Variants in ELOVL6 observed in about 807,000 individuals in gnomAD.
ELOVL6 encodes very long chain fatty acid elongase 6.
ELOVL6 carries 8 observed loss-of-function variants against 31.7 expected under a neutral mutation model. The observed-to-expected ratio is 0.25, with a 90% CI of 0.15 to 0.45. ELOVL6 has a LOEUF of 0.45. ELOVL6 is among the 20% of genes least tolerant of loss of function. The probability of loss-of-function intolerance (pLI) is 1.00; values close to 1 mark genes in which losing one functional copy is unlikely to be tolerated. For synonymous variants in ELOVL6, 101 were observed against 117.7 expected (o/e 0.86, Z 0.92); for missense variants, 126 against 326.4 (o/e 0.39, Z 4.73).
At chr4:110,123,872 T>G (rs1757420357) in intron 1 of ELOVL6, among the ~76,000 whole-genome samples, 1 of 152,236 alleles carries the variant, frequency 6.6e-6, no homozygotes, top group Non-Finnish European at 1.5e-5. Flanking sequence ...CAGCTAAGTT[T>G]GCATAGTCAT....
At chr4:110,123,545 G>A (rs1757411256) in intron 1 of ELOVL6, among the ~76,000 whole-genome samples, 1 of 152,080 alleles carries the variant, frequency 6.6e-6, no homozygotes, top group African/African-American at 2.4e-5. Flanking sequence ...AAATATTATG[G>A]AAAGAAAAAA....
At chr4:110,142,333 C>A (rs1343129396) in intron 1 of ELOVL6, among the ~76,000 whole-genome samples, 10 of 152,070 alleles carry the variant, frequency 6.6e-5, no homozygotes, top group Non-Finnish European at 1.5e-4. Context: ...GCATAAGCCA[C>A]CGCACCCGGC....
chr4:110,067,436 TGA>T, intron 2 of ELOVL6, among the ~76,000 whole-genome samples: 1 of 152,334 alleles, frequency 6.6e-6, no homozygotes, highest in South Asian at 2.1e-4. Context: ...AAAAACTGCC[TGA>T]GACTGGGTAA....
At chr4:110,089,679 A>G (rs552906852) in intron 2 of ELOVL6, among the ~76,000 whole-genome samples, 8 of 151,436 alleles carry the variant, frequency 5.3e-5, no homozygotes, top group African/African-American at 1.9e-4. Flanking sequence ...TCTATGAAAT[A>G]TATGAGATCC....
At chr4:110,084,563 GATATATAT>G (rs1553956219) in intron 2 of ELOVL6, among the ~76,000 whole-genome samples, 803 of 44,534 alleles carry the variant, frequency 0.018, 18 homozygotes, top group East Asian at 0.029. Context: ...CACACACACA[GATATATAT>G]ATATATATAT....
At chr4:110,139,316 C>G (rs1757890279) in intron 1 of ELOVL6, among the ~76,000 whole-genome samples, 1 of 152,114 alleles carries the variant, frequency 6.6e-6, no homozygotes, top group Non-Finnish European at 1.5e-5. Context: ...ACATTTCCAT[C>G]CCCTTGGGGC....
intron 1 of ELOVL6, among the ~76,000 whole-genome samples, chr4:110,186,255 G>A (rs1428884691): frequency 6.6e-6 from 1 of 151,914 alleles, no homozygotes; most frequent in Non-Finnish European, 1.5e-5. Flanking sequence ...TTAACAAGTA[G>A]GTGACTATTC....
intron 2 of ELOVL6, among the ~76,000 whole-genome samples, chr4:110,069,617 GCA>G (rs1429790949): frequency 6.6e-5 from 10 of 152,196 alleles, no homozygotes. Context: ...AAAGAAACAG[GCA>G]CAGAGAGGGC....
At chr4:110,095,876 T>C (rs1246373681) in intron 2 of ELOVL6, among the ~76,000 whole-genome samples, 1 of 152,124 alleles carries the variant, frequency 6.6e-6, no homozygotes, top group African/African-American at 2.4e-5. Context: ...TAAAGGAGAT[T>C]TGCATACATA....
At chr4:110,141,413 T>C (rs1757953052) in intron 1 of ELOVL6, among the ~76,000 whole-genome samples, 1 of 151,978 alleles carries the variant, frequency 6.6e-6, no homozygotes, top group Non-Finnish European at 1.5e-5. Context: ...TTTGGCCCCA[T>C]ACATCTGAAG....
chr4:110,169,953 T>C (rs1430033577), intron 1 of ELOVL6, among the ~76,000 whole-genome samples: 1 of 151,140 alleles, frequency 6.6e-6, no homozygotes, highest in Non-Finnish European at 1.5e-5. Flanking sequence ...TAAAGGCGTG[T>C]GACACCACAC....
chr4:110,094,325 A>G (rs1394219781), intron 2 of ELOVL6, among the ~76,000 whole-genome samples: 2 of 147,134 alleles, frequency 1.4e-5, no homozygotes, highest in African/African-American at 5.0e-5. Flanking sequence ...AGACTGAGGC[A>G]GGAGGATCCT....
intron 1 of ELOVL6, among the ~76,000 whole-genome samples, chr4:110,160,593 A>G (rs888058479): frequency 1.3e-5 from 2 of 152,220 alleles, no homozygotes; most frequent in Non-Finnish European, 2.9e-5. Flanking sequence ...TAAGCTTCAG[A>G]TATTTTTGAT....
At chr4:110,160,179 A>AC (rs1758593037) in intron 1 of ELOVL6, among the ~76,000 whole-genome samples, 1 of 152,110 alleles carries the variant, frequency 6.6e-6, no homozygotes, top group Non-Finnish European at 1.5e-5. Flanking sequence ...AGATCTTTCC[A>AC]TGACAGTGTT....
chr4:110,198,647 C>T (rs550387218), upstream of ELOVL6: 12 of 279,008 alleles, frequency 4.3e-5, no homozygotes, highest in East Asian at 3.5e-4. Context: ...CCTTTTTACT[C>T]GTCTACAGGG....
chr4:110,194,217 C>T (rs1578294800), intron 1 of ELOVL6, among the ~76,000 whole-genome samples: 2 of 152,214 alleles, frequency 1.3e-5, no homozygotes, highest in African/African-American at 2.4e-5. Flanking sequence ...GGCCAGACAT[C>T]TCATAAAAGA....
At chr4:110,145,828 T>G (rs772624997) in intron 1 of ELOVL6, among the ~76,000 whole-genome samples, 1 of 152,170 alleles carries the variant, frequency 6.6e-6, no homozygotes, top group Admixed American at 6.5e-5. Flanking sequence ...CAAATTTCCT[T>G]GCATGGTTTG....
Position 110,131,365 on chromosome 4 carries a change from T to A in ELOVL6, c.90-25737A>T, listed in dbSNP as rs148487756. On this transcript the variant is annotated intron_variant, in intron 1 of 3. Transcript: ENST00000302274. ...CCATAGAATCTCCAAATCCTCAAGTTCATATTATGACAAATAGGCAGTCTT... is the reference window on the plus strand; with the variant it reads ...CCATAGAATCTCCAAATCCTCAAGTACATATTATGACAAATAGGCAGTCTT... Among the ~76,000 whole-genome samples the A allele has an allele frequency of 9.1e-4, 138 of 152,240 alleles. 1 individual carries two copies. The highest frequency in any genetic ancestry group is 3.1e-3 in the African/African-American group (130 of 41,536).
In ELOVL6 at chr4:110,099,357, A is replaced by G. The variant is rs181148910; in HGVS notation, c.221+6140T>C. ...GAATAATTTTCTACTAATCTTGAAT[A>G]TATTTCATACTTAAGCCAGAGAAGA... On this transcript the variant is annotated intron_variant, in intron 2 of 3. Transcript: ENST00000302274. Among the ~76,000 whole-genome samples the G allele has an allele frequency of 3.2e-3, 492 of 152,316 alleles. 5 individuals are homozygous for G. The highest frequency in any genetic ancestry group is 4.2e-3 in the Non-Finnish European group (283 of 68,028).
Sources: gnomAD v4.1 joint callset for allele counts (sites outside exome capture counted in the v4.1 genomes callset) on GRCh38, gnomAD v4.1.1 for gene constraint, MANE v1.5 for transcripts, NCBI Gene and HGNC (gene_info 2026-07-23, HGNC 2026-07-21) for gene names.